The following KIAA1328 variants were observed in gnomAD, a reference collection of about 807,000 sequenced individuals.
KIAA1328 encodes KIAA1328.
Under a neutral mutation model 68.1 loss-of-function variants are expected in KIAA1328, and 52 were observed. The observed-to-expected ratio is 0.76, with a 90% CI of 0.61 to 0.96. The LOEUF (loss-of-function observed/expected upper bound fraction) is 0.96, where lower values mean the gene tolerates loss of function less well. KIAA1328 is among the 40% of genes least tolerant of loss of function. The pLI, the probability that KIAA1328 is intolerant of heterozygous loss-of-function variation, is 0.00. For missense variants in KIAA1328, 641 were observed against 677.6 expected (o/e 0.95, Z 0.60); for synonymous variants, 232 against 239.4 (o/e 0.97, Z 0.28).
intron 6 of KIAA1328, among the ~76,000 whole-genome samples, chr18:36,997,111 GA>G (rs955525839): frequency 6.0e-4 from 90 of 149,476 alleles, no homozygotes; most frequent in African/African-American, 1.9e-3. Flanking sequence ...CCCCACCTGT[GA>G]AAAAAAAAAT....
intron 7 of KIAA1328, among the ~76,000 whole-genome samples, chr18:37,138,385 G>A (rs564479469): frequency 1.3e-5 from 2 of 152,268 alleles, no homozygotes; most frequent in South Asian, 4.1e-4. Context: ...TGCCCTTAGT[G>A]CTCCTCGGGG....
intron 6 of KIAA1328, among the ~76,000 whole-genome samples, chr18:36,980,420 G>A (rs1014282258): frequency 2.6e-5 from 4 of 152,036 alleles, no homozygotes; most frequent in Non-Finnish European, 5.9e-5. Context: ...GGAGAATTTG[G>A]GGACACGCAA....
At chr18:37,184,646 G>C (rs2059760679) in intron 9 of KIAA1328, among the ~76,000 whole-genome samples, 1 of 152,114 alleles carries the variant, frequency 6.6e-6, no homozygotes, top group Admixed American at 6.5e-5. Flanking sequence ...GCAAAACTTT[G>C]AAAAAGTCCC....
intron 6 of KIAA1328, among the ~76,000 whole-genome samples, chr18:37,053,745 C>T (rs556960038): frequency 2.2e-4 from 34 of 152,170 alleles, no homozygotes; most frequent in East Asian, 1.7e-3. Context: ...CTCACTATCA[C>T]GAGAACAGCA....
At chr18:36,866,861 T>C (rs1219142637) in intron 4 of KIAA1328, among the ~76,000 whole-genome samples, 1 of 152,206 alleles carries the variant, frequency 6.6e-6, no homozygotes, top group Non-Finnish European at 1.5e-5. Flanking sequence ...GAAAAACTTA[T>C]ATATTCCTAT....
intron 7 of KIAA1328, among the ~76,000 whole-genome samples, chr18:37,135,689 G>A (rs2058627923): frequency 6.6e-6 from 1 of 152,076 alleles, no homozygotes; most frequent in South Asian, 2.1e-4. Flanking sequence ...TCTTTAATTA[G>A]TTCCCACTTG....
intron 6 of KIAA1328, among the ~76,000 whole-genome samples, chr18:37,060,795 A>G (rs1311186006): frequency 6.6e-6 from 1 of 152,234 alleles, no homozygotes; most frequent in Non-Finnish European, 1.5e-5. Flanking sequence ...AAGAGAATGA[A>G]TAAATTGTGA....
intron 9 of KIAA1328, among the ~76,000 whole-genome samples, chr18:37,180,463 G>C (rs1456604867): frequency 2.6e-5 from 4 of 152,074 alleles, no homozygotes; most frequent in Non-Finnish European, 4.4e-5. Flanking sequence ...TTCTGGTTTT[G>C]GGTAGGAATC....
chr18:37,145,074 A>C (rs923404153), intron 7 of KIAA1328, among the ~76,000 whole-genome samples: 16 of 152,220 alleles, frequency 1.1e-4, no homozygotes, highest in African/African-American at 3.4e-4. Context: ...ATCTCTACAA[A>C]AAATACAAAA....
At chr18:36,872,213 G>A (rs1434737257) in intron 4 of KIAA1328, among the ~76,000 whole-genome samples, 1 of 152,096 alleles carries the variant, frequency 6.6e-6, no homozygotes, top group Non-Finnish European at 1.5e-5. Context: ...AACCTGTGGG[G>A]AGGGCAGAGT....
At chr18:37,078,389 T>C (rs1326539091) in intron 7 of KIAA1328, among the ~76,000 whole-genome samples, 1 of 151,996 alleles carries the variant, frequency 6.6e-6, no homozygotes, top group Non-Finnish European at 1.5e-5. Context: ...GAAGAAAACC[T>C]AGGCAATACC....
intron 6 of KIAA1328, among the ~76,000 whole-genome samples, chr18:37,054,721 C>G (rs955358483): frequency 3.9e-5 from 6 of 152,174 alleles, no homozygotes. Flanking sequence ...AGTACATCCA[C>G]TATTTGGGTG....
chr18:37,059,601 T>C (rs1309514878), intron 6 of KIAA1328, among the ~76,000 whole-genome samples: 3 of 152,138 alleles, frequency 2.0e-5, no homozygotes, highest in Non-Finnish European at 4.4e-5. Flanking sequence ...GAAGTGTAAA[T>C]TAGTTCAACC....
At chr18:37,026,731 A>C (rs551439775) in intron 6 of KIAA1328, among the ~76,000 whole-genome samples, 25 of 152,192 alleles carry the variant, frequency 1.6e-4, no homozygotes, top group Non-Finnish European at 3.2e-4. Context: ...TCTGAAAATC[A>C]TAAGAGCTTT....
intron 5 of KIAA1328, among the ~76,000 whole-genome samples, chr18:36,925,259 A>G (rs964269898): frequency 3.9e-5 from 6 of 152,132 alleles, no homozygotes; most frequent in Admixed American, 1.3e-4. Context: ...GATAATAAAG[A>G]TATATAATGG....
intron 6 of KIAA1328, among the ~76,000 whole-genome samples, chr18:36,975,176 AT>A (rs751805080): frequency 0.015 from 1,770 of 114,952 alleles, 14 homozygotes; most frequent in African/African-American, 0.049. Context: ...ACAAGCTACA[AT>A]TTTTTTTTTT....
chr18:37,044,647 A>G (rs1433640472), intron 6 of KIAA1328, among the ~76,000 whole-genome samples: 1 of 151,958 alleles, frequency 6.6e-6, no homozygotes, highest in Non-Finnish European at 1.5e-5. Flanking sequence ...AATACAAAAA[A>G]AAATTAGCTG....
At chr18:37,092,258 C>T (rs1383018704) in intron 7 of KIAA1328, among the ~76,000 whole-genome samples, 4 of 152,152 alleles carry the variant, frequency 2.6e-5, no homozygotes, top group African/African-American at 9.6e-5. Flanking sequence ...GAGAGGTCCA[C>T]CCTACCTGCT....
intron 7 of KIAA1328, among the ~76,000 whole-genome samples, chr18:37,127,947 G>A (rs1303784835): frequency 6.6e-6 from 1 of 151,882 alleles, no homozygotes; most frequent in Non-Finnish European, 1.5e-5. Context: ...AAACAAAAGT[G>A]CCACAATAAT....
Sources: gnomAD v4.1 joint callset for allele counts (sites outside exome capture counted in the v4.1 genomes callset) on GRCh38, gnomAD v4.1.1 for gene constraint, MANE v1.5 for transcripts, NCBI Gene and HGNC (gene_info 2026-07-23, HGNC 2026-07-21) for gene names.